CABP1: variants seen among roughly 807,000 people sequenced by gnomAD.
CABP1 encodes the protein calcium binding protein 1.
Under a neutral mutation model 34.3 loss-of-function variants are expected in CABP1, and 17 were observed. The ratio of observed to expected loss-of-function variants is 0.50; its 90% CI spans 0.34 to 0.74. The LOEUF (loss-of-function observed/expected upper bound fraction) is 0.74, where lower values mean the gene tolerates loss of function less well. Among genes scored for constraint, CABP1 ranks in the 30% least tolerant of loss-of-function variants. The probability of loss-of-function intolerance (pLI) is 0.01; values close to 1 mark genes in which losing one functional copy is unlikely to be tolerated. For synonymous variants in CABP1, 198 were observed against 229.2 expected (o/e 0.86, Z 1.23); for missense variants, 373 against 511.1 (o/e 0.73, Z 2.61).
the CABP1 span, among the ~76,000 whole-genome samples, chr12:120,677,085 T>G: frequency 2.2e-5 from 1 of 46,284 alleles, no homozygotes; most frequent in African/African-American, 8.0e-5. Context: ...AAGTTTGTGG[T>G]TTTTTTTTTT....
Position 120,660,127 on chromosome 12 carries a change from G to A in CABP1, c.686-69G>A, listed in dbSNP as rs1308100810. 4 of 1,586,760 alleles carry A rather than the reference G, an allele frequency of 2.5e-6. No homozygotes were observed. The highest frequency in any genetic ancestry group is 1.1e-5 in the South Asian group (1 of 87,780). On this transcript the variant is annotated intron_variant, in intron 2 of 5. Coordinates refer to ENST00000316803, the MANE Select transcript of CABP1 (RefSeq NM_001033677.2). The surrounding 1 kb of genome is among the most constrained non-coding windows in gnomAD (Gnocchi z 5.0). ...TCTTTCCATGCCGGTGGGCCTTTGG[G>A]CTGCCTTTGCCCACAGAGGCTCTGC...
At chr12:120,672,965 A>G in the CABP1 span, among the ~76,000 whole-genome samples, 4 of 152,182 alleles carry the variant, frequency 2.6e-5, no homozygotes, top group Non-Finnish European at 5.9e-5. Context: ...CGGAGGCAGA[A>G]GTTACAGTGA....
At chr12:120,666,194 T>G (rs1315857752) in intron 5 of CABP1, among the ~76,000 whole-genome samples, 7 of 117,250 alleles carry the variant, frequency 6.0e-5, no homozygotes, top group Admixed American at 1.8e-4. Context: ...GGAGACTCTG[T>G]CTCTACATTA....
In CABP1 at chr12:120,667,188, G is replaced by A; in HGVS notation, c.*288G>A. On this transcript the variant is annotated 3_prime_UTR_variant, in exon 6 of 6. Transcript: ENST00000316803. ...CATGTGCCCAGCTGCTGCTGGCTGG[G>A]TGGGCCAGGGAGCCCGCCAGCAGAC... 1.8e-6 allele frequency: 1 copy of A among 550,798 alleles called. No individual in the cohort carries two copies. Among genetic ancestry groups the A allele is most frequent in the Non-Finnish European group, 3.3e-6 (1 of 306,294 alleles). The allele number at this position is 550,798 out of a possible 1,614,324, so 34.1% of individuals were successfully genotyped here.
intron 1 of CABP1, among the ~76,000 whole-genome samples, chr12:120,643,069 G>A (rs1015834433): frequency 3.4e-5 from 5 of 147,430 alleles, no homozygotes; most frequent in African/African-American, 7.6e-5. Flanking sequence ...TCTGAGCTCC[G>A]AGCATTGTAG....
chr12:120,676,192 A>G, the CABP1 span, among the ~76,000 whole-genome samples: 1 of 152,230 alleles, frequency 6.6e-6, no homozygotes, highest in African/African-American at 2.4e-5. Context: ...AAAATTAAAC[A>G]AAGAATTAGT....
chr12:120,669,439 T>C (rs543569277), downstream of CABP1, among the ~76,000 whole-genome samples: 28 of 152,302 alleles, frequency 1.8e-4, no homozygotes, highest in African/African-American at 6.7e-4. Flanking sequence ...AGGGCTTCTG[T>C]AGACATCTCT....
At chr12:120,647,536 T>A (rs1958933592) in intron 1 of CABP1, among the ~76,000 whole-genome samples, 1 of 145,072 alleles carries the variant, frequency 6.9e-6, no homozygotes, top group Admixed American at 6.9e-5. Flanking sequence ...TGAATCCAAG[T>A]CAGCGTGACT....
At chr12:120,674,668 C>T in the CABP1 span, among the ~76,000 whole-genome samples, 1 of 152,164 alleles carries the variant, frequency 6.6e-6, no homozygotes, top group Non-Finnish European at 1.5e-5. Context: ...GCGGGTGGAT[C>T]ACCTGAGGTC....
the CABP1 span, among the ~76,000 whole-genome samples, chr12:120,673,800 G>C: frequency 6.6e-6 from 1 of 152,144 alleles, no homozygotes; most frequent in South Asian, 2.1e-4. Context: ...CTGACCAGGG[G>C]GATGATGTGA....
the CABP1 span, among the ~76,000 whole-genome samples, chr12:120,676,169 A>T: frequency 6.6e-6 from 1 of 152,220 alleles, no homozygotes. Context: ...ATATGTGACT[A>T]TTTAAATGAA....
chr12:120,644,665 A>G (rs922712204), intron 1 of CABP1, among the ~76,000 whole-genome samples: 1 of 152,224 alleles, frequency 6.6e-6, no homozygotes, highest in Non-Finnish European at 1.5e-5. Context: ...CTGTAGAAAC[A>G]CGTCTCCTAA....
intron 1 of CABP1, among the ~76,000 whole-genome samples, chr12:120,658,730 G>C (rs1386973378): frequency 1.3e-5 from 2 of 152,218 alleles, no homozygotes; most frequent in African/African-American, 4.8e-5. Flanking sequence ...TGCATGCACA[G>C]TGGAGGTGCC....
intron 5 of CABP1, among the ~76,000 whole-genome samples, chr12:120,663,130 A>T (rs1880759568): frequency 1.3e-5 from 2 of 152,106 alleles, no homozygotes; most frequent in African/African-American, 4.8e-5. Context: ...CGTCAGGCTC[A>T]CCTGTTCTTC....
the CABP1 span, among the ~76,000 whole-genome samples, chr12:120,679,147 T>TACA: frequency 1.3e-5 from 2 of 151,662 alleles, no homozygotes; most frequent in African/African-American, 4.8e-5. Flanking sequence ...TTAACAGTCC[T>TACA]ACAAGGTGGG....
intron 1 of CABP1, among the ~76,000 whole-genome samples, chr12:120,658,384 C>G (rs550795593): frequency 6.6e-6 from 1 of 152,280 alleles, no homozygotes; most frequent in East Asian, 1.9e-4. Flanking sequence ...AGGCGTGGAC[C>G]ACCGTGCCTG....
chr12:120,674,919 A>C, the CABP1 span, among the ~76,000 whole-genome samples: 7 of 151,544 alleles, frequency 4.6e-5, no homozygotes, highest in African/African-American at 1.2e-4. Flanking sequence ...AAAAAAAAAA[A>C]ACACCAAAAA....
In CABP1 at chr12:120,667,236, G is replaced by A; in HGVS notation, c.*336G>A. The A allele has an allele frequency of 2.1e-6, 1 of 465,576 alleles. No homozygotes were observed. The allele number at this position is 465,576 out of a possible 1,614,324, so 28.8% of individuals were successfully genotyped here. On this transcript the variant is annotated 3_prime_UTR_variant, in exon 6 of 6. Coordinates refer to ENST00000316803, the MANE Select transcript of CABP1 (RefSeq NM_001033677.2). ...GACCCCACACAGCATGTCCGCCCCA[G>A]GGCAAAGCCTCCCACCTTCGCTCTG...
the CABP1 span, among the ~76,000 whole-genome samples, chr12:120,676,077 A>C: frequency 6.6e-6 from 1 of 152,192 alleles, no homozygotes; most frequent in Non-Finnish European, 1.5e-5. Flanking sequence ...ACTCCATCTC[A>C]AAAAATAAAA....
Sources: gnomAD v4.1 joint callset for allele counts (sites outside exome capture counted in the v4.1 genomes callset) on GRCh38, gnomAD v4.1.1 for gene constraint, Gnocchi (gnomAD v3.1) non-coding constraint, MANE v1.5 for transcripts, NCBI Gene and HGNC (gene_info 2026-07-23, HGNC 2026-07-21) for gene names.